The following UGGT1 variants were observed in gnomAD, a reference collection of about 807,000 sequenced individuals.
UGGT1 encodes UDP-glucose:glycoprotein glucosyltransferase 1.
A neutral mutation model predicts 203.9 loss-of-function variants in UGGT1; 107 were observed. That is an observed-to-expected ratio of 0.52 (90% CI 0.45 to 0.62). The LOEUF (loss-of-function observed/expected upper bound fraction) is 0.62, where lower values mean the gene tolerates loss of function less well. Among genes scored for constraint, UGGT1 ranks in the 20% least tolerant of loss-of-function variants. The pLI is 0.00. For synonymous variants in UGGT1, 628 were observed against 653.5 expected (o/e 0.96, Z 0.59); for missense variants, 1,673 against 1,867.2 (o/e 0.90, Z 1.92).
At chr2:128,182,071 G>C (rs1691716855) in intron 36 of UGGT1, 59 bp from the exon 37 acceptor site, 1 of 1,559,102 alleles carries the variant, frequency 6.4e-7, no homozygotes, top group Non-Finnish European at 8.7e-7. Flanking sequence ...GTATCTGAAG[G>C]AAACCGCATT....
chr2:128,176,082 C>T (rs961499208), intron 31 of UGGT1, among the ~76,000 whole-genome samples: 8 of 152,174 alleles, frequency 5.3e-5, no homozygotes, highest in African/African-American at 7.2e-5. Context: ...GCAGAAAGAG[C>T]GAGCAGATTT....
At chr2:128,129,345 C>T (rs1167366981) in intron 13 of UGGT1, among the ~76,000 whole-genome samples, 166 bp downstream of exon 13, 1 of 150,932 alleles carries the variant, frequency 6.6e-6, no homozygotes, top group Non-Finnish European at 1.5e-5. Flanking sequence ...AAAGTAGGCC[C>T]TTAAATGCTT....
chr2:128,182,591 C>T (rs1021745963), intron 37 of UGGT1, among the ~76,000 whole-genome samples: 3 of 148,950 alleles, frequency 2.0e-5, no homozygotes, highest in Non-Finnish European at 4.4e-5. Context: ...CCCAGCTACT[C>T]GGGAGGCTAA....
rs1476038161 is a variant in UGGT1 at position 128,143,234 on chromosome 2, T to C, written c.1851+9T>C. 2 of 1,612,256 alleles carry C rather than the reference T, an allele frequency of 1.2e-6. No homozygotes were observed. Among genetic ancestry groups the C allele is most frequent in the Admixed American group, 1.7e-5 (1 of 59,726 alleles). On this transcript the variant is annotated intron_variant, in intron 17 of 40. Coordinates refer to ENST00000259253, the MANE Select transcript of UGGT1 (RefSeq NM_020120.4). ...ATGATCGGAATCGGAAGGTAAAAAA[T>C]TTCTTTGTGTTTCTTATTTGATTGC...
chr2:128,142,086 T>G (rs1281955806), intron 16 of UGGT1, among the ~76,000 whole-genome samples: 1 of 151,590 alleles, frequency 6.6e-6, no homozygotes. Context: ...GAATTACAGG[T>G]GTGCACTACC....
In UGGT1 at chr2:128,152,797, A is replaced by G. The variant is rs998204745; in HGVS notation, c.2030A>G (p.His677Arg). 1.9e-6 allele frequency: 3 copies of G among 1,609,004 alleles called. No individual in the cohort carries two copies. The African/African-American group carries it at 4.0e-5, about 22-fold the overall frequency. The change falls in exon 19 of 41, where the codon CAT (histidine) becomes CGT (arginine). Residue 677 changes from histidine (H) to arginine (R), a missense_variant. Physicochemically the swap from His to Arg is conservative, Grantham distance 29 (BLOSUM62 0). This residue lies in a region of UGGT1 where 1,073 missense variants were observed against 1,078.7 expected (regional missense o/e 0.99). Coordinates refer to ENST00000259253, the MANE Select transcript of UGGT1 (RefSeq NM_020120.4). ...TTTTTCTTGCAGGGTGAACTGCCCC[A>G]TGATCAAGATGTGGTAGAGTATATC... ...QRAVYLGELPHDQDVVEYIMN... is the reference protein window; with the variant it reads ...QRAVYLGELPRDQDVVEYIMN...
At chr2:128,167,111 C>T (rs1020439996) in intron 26 of UGGT1, among the ~76,000 whole-genome samples, 5 of 152,140 alleles carry the variant, frequency 3.3e-5, no homozygotes, top group South Asian at 2.1e-4. Flanking sequence ...ATTTTCTCAA[C>T]ATTTTGTGAA....
At position 128,091,318 on chromosome 2, in the gene UGGT1, G is replaced by C; in HGVS notation, c.-40G>C. Reference sequence around the variant, plus strand: ...CCGCCTCGCCCCGCCCTGCCCTGGCGTTGTCTCTGGCACTGTGGCGGACTG... The same window carrying C: ...CCGCCTCGCCCCGCCCTGCCCTGGCCTTGTCTCTGGCACTGTGGCGGACTG... On this transcript the variant is annotated 5_prime_UTR_variant, in exon 1 of 41. Coordinates refer to ENST00000259253, the MANE Select transcript of UGGT1 (RefSeq NM_020120.4). 1 of 1,531,322 alleles carries C rather than the reference G, an allele frequency of 6.5e-7. No individual in the cohort carries two copies. The allele number at this position is 1,531,322 out of a possible 1,614,324, so 94.9% of individuals were successfully genotyped here. A position where few individuals can be genotyped will look rare whatever the true frequency, so the allele number is the denominator to read the frequency against.
intron 33 of UGGT1, 146 bp from the exon 34 acceptor site, chr2:128,178,322 G>C: frequency 1.5e-6 from 1 of 683,214 alleles, no homozygotes. Flanking sequence ...GTCTCTCCAG[G>C]GTGTGAGGGA....
At chr2:128,116,458 A>G (rs1407459070) in intron 8 of UGGT1, 115 bp downstream of exon 8, 2 of 676,042 alleles carry the variant, frequency 3.0e-6, no homozygotes, top group South Asian at 1.8e-5. Flanking sequence ...ATCTCCTAAC[A>G]GTACTTTATG....
chr2:128,129,479 A>G (rs1573540930), intron 13 of UGGT1, among the ~76,000 whole-genome samples: 1 of 150,870 alleles, frequency 6.6e-6, no homozygotes, highest in Non-Finnish European at 1.5e-5. Context: ...GCTTACTGCA[A>G]CCTCTGCCTC....
intron 13 of UGGT1, among the ~76,000 whole-genome samples, chr2:128,131,927 G>A (rs1341173387): frequency 6.6e-6 from 1 of 152,044 alleles, no homozygotes; most frequent in Non-Finnish European, 1.5e-5. Context: ...ACACCCGGCA[G>A]TACTGCATTT....
chr2:128,138,455 C>T (rs1264620650), intron 15 of UGGT1, among the ~76,000 whole-genome samples: 2 of 151,394 alleles, frequency 1.3e-5, no homozygotes, highest in Non-Finnish European at 1.5e-5. Flanking sequence ...ACGGAGGTTG[C>T]AGTGAGCCGA....
chr2:128,157,496 G>A lies in UGGT1; in HGVS notation c.2355+150G>A. ...CGGAGAATTGTATCTCTAGAGATCT[G>A]CCAGCTCTCAAGAAAAGAGATCTAA... On this transcript the variant is annotated intron_variant, in intron 22 of 40. Transcript: ENST00000259253. The A allele has an allele frequency of 8.4e-6, 5 of 594,510 alleles. No individual in the cohort carries two copies. The South Asian group carries it at 1.2e-4, about 14-fold the overall frequency. 36.8% of individuals were successfully genotyped at this position (594,510 alleles called of 1,614,324 possible).
chr2:128,169,689 G>A (rs1237743926), intron 26 of UGGT1, among the ~76,000 whole-genome samples: 1 of 152,180 alleles, frequency 6.6e-6, no homozygotes, highest in African/African-American at 2.4e-5. Context: ...TTGGTGAATA[G>A]CATATTATTT....
At chr2:128,136,001 G>T (rs138778583) in intron 15 of UGGT1, among the ~76,000 whole-genome samples, 1 of 152,210 alleles carries the variant, frequency 6.6e-6, no homozygotes, top group African/African-American at 2.4e-5. Context: ...AAGTTGGGTC[G>T]TGGTACACAG....
At chr2:128,158,389 C>T (rs1299654239) in intron 22 of UGGT1, among the ~76,000 whole-genome samples, 1 of 152,202 alleles carries the variant, frequency 6.6e-6, no homozygotes, top group Non-Finnish European at 1.5e-5. Context: ...CACTTGTGCC[C>T]AGACACTACG....
chr2:128,143,000 G>A, intron 16 of UGGT1, 94 bp from the exon 17 acceptor site: 4 of 1,198,056 alleles, frequency 3.3e-6, no homozygotes, highest in South Asian at 3.7e-5. Context: ...AGAAAAATAA[G>A]TATATTTTCC....
chr2:128,103,015 A>G (rs1039442020), intron 2 of UGGT1: 25 of 465,168 alleles, frequency 5.4e-5, no homozygotes, highest in Non-Finnish European at 9.3e-5. Context: ...TCAGAAACCT[A>G]TTTTTAGAGA....
Sources: gnomAD v4.1 joint callset for allele counts (sites outside exome capture counted in the v4.1 genomes callset) on GRCh38, gnomAD v4.1.1 for gene constraint, gnomAD v4.1.1 regional missense constraint, MANE v1.5 for transcripts, NCBI Gene and HGNC (gene_info 2026-07-23, HGNC 2026-07-21) for gene names.